The following DPAGT1 variants were observed in gnomAD, a reference collection of about 807,000 sequenced individuals.
DPAGT1 encodes dolichyl-phosphate N-acetylglucosaminephosphotransferase 1, also known as UDP-N-acetylglucosamine--dolichyl-phosphate N-acetylglucosaminephosphotransferase.
A neutral mutation model predicts 39.3 loss-of-function variants in DPAGT1; 25 were observed. That is an observed-to-expected ratio of 0.64 (90% confidence interval 0.46 to 0.89). The LOEUF is 0.89. Among genes scored for constraint, DPAGT1 ranks in the 40% least tolerant of loss-of-function variants. The probability of loss-of-function intolerance (pLI) is 0.00; values close to 1 mark genes in which losing one functional copy is unlikely to be tolerated. For missense variants in DPAGT1, 381 were observed against 500.6 expected (o/e 0.76, Z 2.28); for synonymous variants, 193 against 201.4 (o/e 0.96, Z 0.36).
At chr11:119,096,453 C>A, downstream of DPAGT1, 1 of 175,412 alleles carries the variant, frequency 5.7e-6, no homozygotes, top group South Asian at 1.2e-4. Context: ...AGTACCCCCA[C>A]CACCCCTCCC....
intron 5 of DPAGT1, 120 bp downstream of exon 5, chr11:119,098,283 C>T (rs564011915): frequency 1.6e-5 from 20 of 1,239,794 alleles, no homozygotes; most frequent in African/African-American, 3.0e-5. Flanking sequence ...CAACTGAAGA[C>T]GCAGAAAACT....
intron 4 of DPAGT1, 80 bp downstream of exon 4, chr11:119,100,182 C>T: frequency 6.2e-7 from 1 of 1,602,594 alleles, no homozygotes; most frequent in South Asian, 1.1e-5. Flanking sequence ...TGCTTTTTTC[C>T]CCTGAATTTC....
chr11:119,100,248 C>G lies in DPAGT1; in HGVS notation c.643+14G>C, dbSNP rs536452844. ...CACTCAGACTTCTCTCTCCCCACCC[C>G]CAATCCCACCTACCTTCCAACTCTA... On this transcript the variant is annotated intron_variant, in intron 4 of 8. Transcript: ENST00000354202. 30 of 1,614,050 alleles carry G rather than the reference C, an allele frequency of 1.9e-5. No individual in the cohort carries two copies. In the East Asian group the frequency reaches 4.9e-4, roughly 26 times the overall value.
At position 119,100,308 on chromosome 11, in the gene DPAGT1, T is replaced by A. The variant is rs1565765185; in HGVS notation, c.597A>T (p.Leu199=). ...GINGLEAGQS[L]VISASIIVFN... ...AGACAATGATGGAAGCAGAAATGAC[T>A]AGTGACTGGCCAGCCTCTAGGCCGT... is the stretch of plus-strand genomic sequence containing the variant. Residue 199 remains leucine, a synonymous_variant, in exon 4 of 9, where the codon CTA becomes CTT. Coordinates refer to ENST00000354202, the MANE Select transcript of DPAGT1 (RefSeq NM_001382.4). 6.2e-7 allele frequency: 1 copy of A among 1,614,170 alleles called. No homozygotes were observed. The highest frequency in any genetic ancestry group is 1.3e-5 in the African/African-American group (1 of 75,046).
At chr11:119,095,235 C>A, downstream of DPAGT1, 1 of 1,613,852 alleles carries the variant, frequency 6.2e-7, no homozygotes, top group Non-Finnish European at 8.5e-7. Flanking sequence ...TCCAGCACTG[C>A]CGCCAGGTAC....
chr11:119,095,457 G>GT, downstream of DPAGT1: 2 of 1,452,656 alleles, frequency 1.4e-6, no homozygotes, highest in Non-Finnish European at 1.8e-6. Flanking sequence ...CCGCCGCAGT[G>GT]TAACTGCTGT....
In DPAGT1 at chr11:119,096,555, C is replaced by T. The variant is rs1946398504; in HGVS notation, c.*443G>A. Reference sequence around the variant, plus strand: ...ATTGTCTCCATTGAGAGCATGTGGCCCCCTGCTTAGTTCTTACTAATCAGA... The same window carrying T: ...ATTGTCTCCATTGAGAGCATGTGGCTCCCTGCTTAGTTCTTACTAATCAGA... On this transcript the variant is annotated 3_prime_UTR_variant, in exon 9 of 9. Transcript: ENST00000354202. The T allele has an allele frequency of 4.1e-6, 1 of 246,456 alleles. No individual in the cohort carries two copies. The highest frequency in any genetic ancestry group is 8.0e-6 in the Non-Finnish European group (1 of 125,008). 15.3% of individuals were successfully genotyped at this position (246,456 alleles called of 1,614,324 possible).
chr11:119,099,939 AG>A (rs1946467454), intron 4 of DPAGT1, among the ~76,000 whole-genome samples: 3 of 152,066 alleles, frequency 2.0e-5, no homozygotes, highest in Non-Finnish European at 2.9e-5. Flanking sequence ...ATGATTACAG[AG>A]GGAGGGGTCT....
At chr11:119,101,388 T>A (rs1946502737) in intron 1 of DPAGT1, 107 bp downstream of exon 1, 3 of 1,596,072 alleles carry the variant, frequency 1.9e-6, no homozygotes, top group Admixed American at 1.7e-5. Context: ...CTGCCTGGGT[T>A]AGTTCTGAGT....
At position 119,101,571 on chromosome 11, in the gene DPAGT1, T is replaced by A. The variant is rs397515328; in HGVS notation, c.85A>T (p.Ile29Phe). The A allele has an allele frequency of 6.0e-5, 97 of 1,614,100 alleles. No individual in the cohort carries two copies. In the South Asian group the frequency reaches 8.1e-4, roughly 14 times the overall value. The change falls in exon 1 of 9, where the codon ATC becomes TTC. Residue 29 changes from isoleucine (I) to phenylalanine (F), a missense_variant. Ile to Phe is a conservative substitution (Grantham distance 21). Transcript: ENST00000354202. Reference protein sequence around the residue: ...LLGFVATVTLIPAFRGHFIAA... With the variant: ...LLGFVATVTLFPAFRGHFIAA... ...ATGAAGTGGCCCCGGAAGGCCGGGA[T>A]GAGGGTGACTGTGGCCACAAATCCC...
downstream of DPAGT1, chr11:119,094,934 C>G: frequency 6.3e-7 from 1 of 1,577,622 alleles, no homozygotes; most frequent in Non-Finnish European, 8.6e-7. Context: ...CATGGGGAGG[C>G]CTGGCGGCCG....
At position 119,097,766 on chromosome 11, in the gene DPAGT1, A is replaced by C; in HGVS notation, c.917+89T>G. 6.3e-7 allele frequency: 1 copy of C among 1,576,290 alleles called. No homozygotes were observed. The highest frequency in any genetic ancestry group is 8.7e-7 in the Non-Finnish European group (1 of 1,147,730). On this transcript the variant is annotated intron_variant, in intron 6 of 8. Transcript: ENST00000354202. The surrounding 1 kb of genome is among the most constrained non-coding windows in gnomAD (Gnocchi z 4.6). ...ATGGAAATAGCCCTTCTTTGGGCCC[A>C]CTCCCTTTGCACAGCAAATGTATAG...
At position 119,096,719 on chromosome 11, in the gene DPAGT1, G is replaced by A. The variant is rs1052058073; in HGVS notation, c.*279C>T. On this transcript the variant is annotated 3_prime_UTR_variant, in exon 9 of 9. Coordinates refer to ENST00000354202, the MANE Select transcript of DPAGT1 (RefSeq NM_001382.4). ...AGTGTGGATAACTGCAAAAAAAGCT[G>A]CTGTATCCCACCCTATGAGGCTGCA... 8 of 527,590 alleles carry A rather than the reference G, an allele frequency of 1.5e-5. No homozygotes were observed. Among genetic ancestry groups the A allele is most frequent in the East Asian group, 6.8e-5 (2 of 29,520 alleles). The allele number at this position is 527,590 out of a possible 1,614,324, so 32.7% of individuals were successfully genotyped here.
In DPAGT1 at chr11:119,097,129, T is replaced by A; in HGVS notation, c.1161+13A>T. On this transcript the variant is annotated intron_variant, in intron 8 of 8. Transcript: ENST00000354202. This position sits in a 1 kb window ranked among gnomAD's most constrained non-coding sequence, Gnocchi z 4.6. ...GGGAGACACGGAGGTATAAACTCGA[T>A]TCCCATCCTCACCTGCAGCAGCAGC... 1.2e-6 allele frequency: 2 copies of A among 1,614,206 alleles called. No individual in the cohort carries two copies. The highest frequency in any genetic ancestry group is 1.7e-6 in the Non-Finnish European group (2 of 1,180,036).
downstream of DPAGT1, chr11:119,094,403 C>A (rs2134891031): frequency 6.6e-6 from 1 of 152,396 alleles, no homozygotes; most frequent in Admixed American, 6.5e-5. Flanking sequence ...CTGGGCTAAG[C>A]ACCACGCCGG....
rs1364116519 is a variant in DPAGT1, at chr11:119,097,077, T to G, written c.1162-14A>C. 2 of 1,613,918 alleles carry G rather than the reference T, an allele frequency of 1.2e-6. No homozygotes were observed. The highest frequency in any genetic ancestry group is 8.5e-7 in the Non-Finnish European group (1 of 1,179,960). On this transcript the variant is annotated splice_polypyrimidine_tract_variant and intron_variant, in intron 8 of 8. Transcript: ENST00000354202. This position sits in a 1 kb window ranked among gnomAD's most constrained non-coding sequence, Gnocchi z 4.6. ...ACTGCCCAGGATCTGCAAGGAGAAA[T>G]GGACTGGAGTAAGAATCACGCAGAA...
downstream of DPAGT1, chr11:119,096,358 A>C (rs962063529): frequency 1.9e-5 from 3 of 155,486 alleles, no homozygotes; most frequent in Non-Finnish European, 2.9e-5. Context: ...ATATTTATTC[A>C]ATATGTTCTG....
At chr11:119,095,472 C>T, downstream of DPAGT1, 3 of 1,429,090 alleles carry the variant, frequency 2.1e-6, no homozygotes, top group Non-Finnish European at 2.8e-6. Flanking sequence ...TGCTGTCGCG[C>T]GCGCGCCGCG....
At chr11:119,094,812 G>A, downstream of DPAGT1, 1 of 820,688 alleles carries the variant, frequency 1.2e-6, no homozygotes, top group African/African-American at 1.8e-5. Flanking sequence ...CGGCGAAGGC[G>A]GGCGAGGGGA....
Sources: allele counts gnomAD v4.1 joint callset (sites outside exome capture counted in the v4.1 genomes callset), GRCh38; gene constraint gnomAD v4.1.1; non-coding constraint Gnocchi (gnomAD v3.1); transcripts MANE v1.5; gene names NCBI Gene and HGNC (gene_info 2026-07-23, HGNC 2026-07-21).